The following MTFR1 variants were observed in gnomAD, a reference collection of about 807,000 sequenced individuals.
The protein encoded by MTFR1 is mitochondrial fission regulator 1.
A neutral mutation model predicts 38.8 loss-of-function variants in MTFR1; 28 were observed. The ratio of observed to expected loss-of-function variants is 0.72; its 90% CI spans 0.53 to 0.99. The LOEUF is 0.99. Ranked by LOEUF, MTFR1 falls within the 50% of genes least tolerant of loss-of-function variation. The pLI is 0.00. For missense variants in MTFR1, 358 were observed against 395.5 expected (o/e 0.91, Z 0.81); for synonymous variants, 145 against 137.0 (o/e 1.06, Z -0.41).
chr8:65,766,102 C>T (rs1016745650), intron 3 of MTFR1, among the ~76,000 whole-genome samples: 37 of 152,166 alleles, frequency 2.4e-4, no homozygotes, highest in African/African-American at 7.5e-4. Flanking sequence ...CCCGCCACCA[C>T]GCCCAGCTAA....
intron 4 of MTFR1, among the ~76,000 whole-genome samples, chr8:65,698,138 C>T (rs1211133140): frequency 6.7e-6 from 1 of 149,464 alleles, no homozygotes; most frequent in East Asian, 2.0e-4. Context: ...CATTTGAGTC[C>T]ATGATTTTTT....
At chr8:65,765,455 C>G (rs1808729543) in intron 3 of MTFR1, 1 of 121,942 alleles carries the variant, frequency 8.2e-6, no homozygotes, top group East Asian at 2.8e-4. Flanking sequence ...CGCCACTGCA[C>G]TCCAGCCTGG....
At chr8:65,693,470 A>G (rs745770285) in intron 3 of MTFR1, among the ~76,000 whole-genome samples, 174 bp from the exon 4 acceptor site, 10 of 152,224 alleles carry the variant, frequency 6.6e-5, no homozygotes, top group Admixed American at 5.9e-4. Context: ...GTCATATACT[A>G]TTAGGCAACA....
At chr8:65,657,809 G>A (rs1809309481) in intron 1 of MTFR1, among the ~76,000 whole-genome samples, 1 of 151,700 alleles carries the variant, frequency 6.6e-6, no homozygotes. Flanking sequence ...CATAATAATT[G>A]TACATATTTA....
In MTFR1 at chr8:65,709,359, G is replaced by A. The variant is rs1585804083; in HGVS notation, c.*315G>A. 1 of 246,076 alleles carries A rather than the reference G, an allele frequency of 4.1e-6. No individual in the cohort carries two copies. The highest frequency in any genetic ancestry group is 7.7e-5 in the East Asian group (1 of 12,934). 15.2% of individuals were successfully genotyped at this position (246,076 alleles called of 1,614,324 possible). A position where few individuals can be genotyped will look rare whatever the true frequency, so the allele number is the denominator to read the frequency against. On this transcript the variant is annotated 3_prime_UTR_variant, in exon 8 of 8. Coordinates refer to ENST00000262146, the MANE Select transcript of MTFR1 (RefSeq NM_014637.4). ...AAAAAGGACATTTGTGGATGTTACT[G>A]CACATTTTAAATTCTTAACACTAAT...
chr8:65,693,754 A>G lies in MTFR1; in HGVS notation c.276A>G (p.Arg92=). ...AAGAAGAAGGAGAGTGTTCAGCAAG[A>G]CTAAGGTTAGTTTGGAAGGCTATCA... The part of the protein sequence containing the change: ...VAKEEGECSA[R]LRTEVRSRPP... The change falls in exon 4 of 8, where the codon AGA becomes AGG. Residue 92 remains arginine (R), a synonymous_variant. Coordinates refer to ENST00000262146, the MANE Select transcript of MTFR1 (RefSeq NM_014637.4). The G allele has an allele frequency of 1.2e-6, 2 of 1,613,394 alleles. No individual in the cohort carries two copies.
At chr8:65,755,579 T>C (rs1808191390) in intron 3 of MTFR1, among the ~76,000 whole-genome samples, 1 of 152,346 alleles carries the variant, frequency 6.6e-6, no homozygotes, top group South Asian at 2.1e-4. Flanking sequence ...TCTTTATATG[T>C]GTGTGCCCAT....
At chr8:65,691,537 C>T (rs1288245825) in intron 3 of MTFR1, among the ~76,000 whole-genome samples, 2 of 152,200 alleles carry the variant, frequency 1.3e-5, no homozygotes, top group African/African-American at 4.8e-5. Flanking sequence ...AAGCCATCCG[C>T]CATCTTGTCC....
intron 1 of MTFR1, among the ~76,000 whole-genome samples, chr8:65,662,890 C>T (rs1809483548): frequency 6.6e-6 from 1 of 151,324 alleles, no homozygotes; most frequent in South Asian, 2.1e-4. Flanking sequence ...GCCAGCCGCC[C>T]CGTCCTGGAG....
chr8:65,724,196 T>A, intron 3 of MTFR1: 1 of 1,044,486 alleles, frequency 9.6e-7, no homozygotes, highest in Non-Finnish European at 1.5e-6. Context: ...ATTTTATTCT[T>A]ACGATGTTAA....
Position 65,710,421 on chromosome 8 carries a change from A to G in MTFR1, c.*1377A>G, listed in dbSNP as rs960384146. On this transcript the variant is annotated 3_prime_UTR_variant, in exon 8 of 8. Coordinates refer to ENST00000262146, the MANE Select transcript of MTFR1 (RefSeq NM_014637.4). ...TATATGGTTTAAAATTCTCTTTAAC[A>G]AAATTCAGAAAATTCACCTGAAACG... 5 of 152,654 alleles carry G rather than the reference A, an allele frequency of 3.3e-5. No individual in the cohort carries two copies. Among genetic ancestry groups the G allele is most frequent in the African/African-American group, 9.6e-5 (4 of 41,458 alleles). 9.5% of individuals were successfully genotyped at this position (152,654 alleles called of 1,614,324 possible).
intron 2 of MTFR1, among the ~76,000 whole-genome samples, chr8:65,672,474 C>A (rs917642648): frequency 2.6e-5 from 4 of 152,130 alleles, no homozygotes; most frequent in Non-Finnish European, 5.9e-5. Context: ...AATTTCATTT[C>A]AGATCACCAC....
intron 3 of MTFR1, among the ~76,000 whole-genome samples, chr8:65,758,668 T>G (rs902547385): frequency 6.6e-6 from 1 of 152,196 alleles, no homozygotes; most frequent in Non-Finnish European, 1.5e-5. Context: ...CAAACTATAC[T>G]CTGAAGAGGT....
chr8:65,745,350 C>T (rs1402538830), intron 3 of MTFR1: 5 of 967,960 alleles, frequency 5.2e-6, no homozygotes, highest in Non-Finnish European at 8.4e-6. Context: ...AGCGGCTGCA[C>T]CATCAATGCA....
chr8:65,761,910 C>T (rs890298394), intron 3 of MTFR1, among the ~76,000 whole-genome samples: 3 of 152,188 alleles, frequency 2.0e-5, no homozygotes, highest in African/African-American at 7.2e-5. Context: ...TCCACAGATT[C>T]TTTTCTATCA....
At chr8:65,766,263 A>G (rs951239535) in intron 3 of MTFR1, among the ~76,000 whole-genome samples, 1 of 152,174 alleles carries the variant, frequency 6.6e-6, no homozygotes. Flanking sequence ...ATTTTTGACA[A>G]AAAAATCAAT....
At chr8:65,716,034 G>A (rs148172847) in intron 2 of MTFR1, among the ~76,000 whole-genome samples, 1 of 145,352 alleles carries the variant, frequency 6.9e-6, no homozygotes, top group African/African-American at 2.5e-5. Context: ...AATTAGCTGG[G>A]TGGTGTGGTG....
rs1805353210 is a variant in MTFR1 at position 65,693,767 on chromosome 8, T to C, written c.281+8T>C. The stretch of plus-strand genomic sequence containing the variant: ...GTGTTCAGCAAGACTAAGGTTAGTT[T>C]GGAAGGCTATCAGAACTGAGATGCA... On this transcript the variant is annotated splice_region_variant and intron_variant, in intron 4 of 7. Coordinates refer to ENST00000262146, the MANE Select transcript of MTFR1 (RefSeq NM_014637.4). The C allele has an allele frequency of 6.2e-7, 1 of 1,603,508 alleles. No homozygotes were observed. The highest frequency in any genetic ancestry group is 2.2e-5 in the East Asian group (1 of 44,828).
chr8:65,736,251 G>C (rs1205297198), intron 3 of MTFR1, among the ~76,000 whole-genome samples: 5 of 152,048 alleles, frequency 3.3e-5, no homozygotes, highest in African/African-American at 9.7e-5. Flanking sequence ...TAACCAACAC[G>C]GTTCAGGATG....
Sources: allele counts gnomAD v4.1 joint callset (sites outside exome capture counted in the v4.1 genomes callset), GRCh38; gene constraint gnomAD v4.1.1; transcripts MANE v1.5; gene names NCBI Gene and HGNC (gene_info 2026-07-23, HGNC 2026-07-21).